Variants in VPS13C observed in about 807,000 individuals in gnomAD.
The protein encoded by VPS13C is vacuolar protein sorting 13 homolog C.
Under a neutral mutation model 456.8 loss-of-function variants are expected in VPS13C, and 358 were observed. The ratio of observed to expected loss-of-function variants is 0.78; its 90% CI spans 0.72 to 0.86. The LOEUF (loss-of-function observed/expected upper bound fraction) is 0.86. Ranked by LOEUF, VPS13C falls within the 40% of genes least tolerant of loss-of-function variation. The pLI is 0.00. For synonymous variants in VPS13C, 1,578 were observed against 1,486.7 expected (o/e 1.06, Z -1.41); for missense variants, 4,818 against 4,385.4 (o/e 1.10, Z -2.79).
Position 61,934,242 on chromosome 15 carries a change from G to T in VPS13C, c.5845C>A (p.Leu1949Ile). 1 of 1,593,766 alleles carries T rather than the reference G, an allele frequency of 6.3e-7. No individual in the cohort carries two copies. Among genetic ancestry groups the T allele is most frequent in the South Asian group, 1.1e-5 (1 of 87,588 alleles). Reference sequence around the variant, plus strand: ...ACCTGGTTGATATCATTGTTATAAAGGATAATGGAAAGAGATTCAAAGTGA... The same window carrying T: ...ACCTGGTTGATATCATTGTTATAAATGATAATGGAAAGAGATTCAAAGTGA... ...DFHFESLSII[L>I]YNNDINQESG... Residue 1949 changes from leucine to isoleucine, a missense_variant, in exon 49 of 85, where the codon CTT becomes ATT. By Grantham distance (5) the Leu-to-Ile change is conservative. Around this residue, in one of 3 missense-constraint regions of VPS13C, gnomAD observed 4,552 missense variants for 4,130.6 expected, o/e 1.10. Coordinates refer to ENST00000644861, the MANE Select transcript of VPS13C (RefSeq NM_020821.3).
At chr15:62,020,238 TTC>T (rs2047412843) in intron 9 of VPS13C, among the ~76,000 whole-genome samples, 1 of 151,922 alleles carries the variant, frequency 6.6e-6, no homozygotes, top group South Asian at 2.1e-4. Context: ...CAGCTTTTAT[TTC>T]TTTCAAATCA....
Position 61,961,792 on chromosome 15 carries a change from C to A in VPS13C, c.3705G>T (p.Arg1235Ser), listed in dbSNP as rs1226566619. 1 of 1,614,026 alleles carries A rather than the reference C, an allele frequency of 6.2e-7. No homozygotes were observed. The highest frequency in any genetic ancestry group is 1.1e-5 in the South Asian group (1 of 91,086). Residue 1235 changes from arginine to serine, a missense_variant, in exon 35 of 85, where the codon AGG (arginine) becomes AGT (serine). Physicochemically the swap from Arg to Ser is moderately radical, Grantham distance 110 (BLOSUM62 -1). Coordinates refer to ENST00000644861, the MANE Select transcript of VPS13C (RefSeq NM_020821.3). Reference protein sequence around the residue: ...AATSVKDLAQRSFRVSINIDL... With the variant: ...AATSVKDLAQSSFRVSINIDL... Reference sequence around the variant, plus strand: ...CAATATTGATGGAAACACGAAAACTCCTCTGGGCAAGATCTTTCACACTTG... The same window carrying A: ...CAATATTGATGGAAACACGAAAACTACTCTGGGCAAGATCTTTCACACTTG...
rs947529675 is a variant in VPS13C, at chr15:61,867,645, C to T, written c.10863+1014G>A. ...GAAATGATAGTAACAGTATCTGCTT[C>T]TGAGCTCAATAAAGGCTTTCATCTA... On this transcript the variant is annotated intron_variant, in intron 81 of 84. Transcript: ENST00000644861. This position sits in a 1 kb window ranked among gnomAD's most constrained non-coding sequence, Gnocchi z 5.0. 2 of 1,193,146 alleles carry T rather than the reference C, an allele frequency of 1.7e-6. No individual in the cohort carries two copies. The highest frequency in any genetic ancestry group is 2.1e-6 in the Non-Finnish European group (2 of 961,170). 73.9% of individuals were successfully genotyped at this position (1,193,146 alleles called of 1,614,324 possible). A position where few individuals can be genotyped will look rare whatever the true frequency, so the allele number is the denominator to read the frequency against.
chr15:62,047,393 G>C (rs1596532066), intron 1 of VPS13C, among the ~76,000 whole-genome samples: 1 of 151,638 alleles, frequency 6.6e-6, no homozygotes, highest in South Asian at 2.1e-4. Context: ...AGCTGAGATT[G>C]TGCCACTGCA....
intron 1 of VPS13C, among the ~76,000 whole-genome samples, 189 bp from the exon 2 acceptor site, chr15:62,044,444 A>T (rs2048342652): frequency 6.6e-6 from 1 of 152,198 alleles, no homozygotes; most frequent in Admixed American, 6.5e-5. Flanking sequence ...ATTGTAGCAT[A>T]CTATAGGTTA....
chr15:61,907,870 C>G (rs1307819980), intron 65 of VPS13C, among the ~76,000 whole-genome samples: 1 of 152,184 alleles, frequency 6.6e-6, no homozygotes, highest in African/African-American at 2.4e-5. Flanking sequence ...TGCTCCTACC[C>G]AAGCCTCTCA....
chr15:61,911,892 G>T lies in VPS13C; in HGVS notation c.8663C>A (p.Ala2888Glu). 1 of 1,612,524 alleles carries T rather than the reference G, an allele frequency of 6.2e-7. No homozygotes were observed. Among genetic ancestry groups the T allele is most frequent in the Non-Finnish European group, 8.5e-7 (1 of 1,179,188 alleles). The change falls in exon 63 of 85, where the codon GCA becomes GAA. Residue 2888 changes from alanine (A) to glutamate (E), a missense_variant. Physicochemically the swap from Ala to Glu is moderately radical, Grantham distance 107. Around this residue, in one of 3 missense-constraint regions of VPS13C, gnomAD observed 4,552 missense variants for 4,130.6 expected, o/e 1.10. Coordinates refer to ENST00000644861, the MANE Select transcript of VPS13C (RefSeq NM_020821.3). ...ATTAGTTGGCATTGAGCCATCAGAT[G>T]CAATCTCGCCAACTTCTAGTTCTAA... Reference protein sequence around the residue: ...SSLELEVGEIASDGSMPTNKW... With the variant: ...SSLELEVGEIESDGSMPTNKW...
At chr15:61,900,062 AC>A (rs1247767860) in intron 66 of VPS13C, among the ~76,000 whole-genome samples, 1 of 152,072 alleles carries the variant, frequency 6.6e-6, no homozygotes, top group African/African-American at 2.4e-5. Context: ...AAATTCAACA[AC>A]CCTTCATGCT....
rs34965045 is a variant in VPS13C, at chr15:61,910,091, C to T, written c.8844+86G>A. On this transcript the variant is annotated intron_variant, in intron 64 of 84. Coordinates refer to ENST00000644861, the MANE Select transcript of VPS13C (RefSeq NM_020821.3). ...TGTATACATATGTAACAAACCTGCA[C>T]GTTCTGCACATGTACCCTAGAACTT... 0.39 allele frequency: 313,130 copies of T among 803,332 alleles called. 63,982 individuals carry two copies. The highest frequency in any genetic ancestry group is 0.41 in the Non-Finnish European group (267,808 of 647,456). The allele number at this position is 803,332 out of a possible 1,614,324, so 49.8% of individuals were successfully genotyped here. A position where few individuals can be genotyped will look rare whatever the true frequency, so the allele number is the denominator to read the frequency against.
chr15:62,031,113 T>C (rs570553005), intron 5 of VPS13C, among the ~76,000 whole-genome samples: 1 of 152,266 alleles, frequency 6.6e-6, no homozygotes, highest in East Asian at 1.9e-4. Context: ...AAGCAAACTT[T>C]CTAAAAATGA....
chr15:61,897,271 A>C (rs1026644589), intron 66 of VPS13C, among the ~76,000 whole-genome samples: 2 of 152,238 alleles, frequency 1.3e-5, no homozygotes, highest in Admixed American at 6.5e-5. Flanking sequence ...TGATGAGCTA[A>C]GAGAAGAAGG....
rs1291508748 is a variant in VPS13C, at chr15:62,010,503, T to C, written c.980A>G (p.Gln327Arg). The change falls in exon 13 of 85, where the codon CAA (glutamine) becomes CGA (arginine). Residue 327 changes from glutamine to arginine, a missense_variant. Transcript: ENST00000644861. ...TPKLDCNIEIQNIAIELTKPQ... is the reference protein window; with the variant it reads ...TPKLDCNIEIRNIAIELTKPQ... ...TTTGGTCAGTTCAATGGCAATATTT[T>C]GTATTTCTATGTTGCAATCCAGTTT... is the stretch of plus-strand genomic sequence containing the variant. 1.2e-6 allele frequency: 2 copies of C among 1,613,318 alleles called. No homozygotes were observed. Among genetic ancestry groups the C allele is most frequent in the African/African-American group, 2.7e-5 (2 of 75,026 alleles).
At chr15:61,905,416 TGTAA>T (rs1300595041) in intron 66 of VPS13C, among the ~76,000 whole-genome samples, 1 of 152,154 alleles carries the variant, frequency 6.6e-6, no homozygotes, top group Non-Finnish European at 1.5e-5. Flanking sequence ...AATCTTATGT[TGTAA>T]TTTAATCTGA....
intron 82 of VPS13C, among the ~76,000 whole-genome samples, chr15:61,863,131 T>C (rs922388952): frequency 3.9e-5 from 6 of 152,080 alleles, no homozygotes; most frequent in Admixed American, 2.0e-4. Context: ...TTGTAATTCA[T>C]GAAAAAGGGT....
chr15:61,904,335 C>G (rs2043092773), intron 66 of VPS13C, among the ~76,000 whole-genome samples: 1 of 150,028 alleles, frequency 6.7e-6, no homozygotes, highest in South Asian at 2.1e-4. Flanking sequence ...TAAAAACGGG[C>G]AAAAGATCTG....
At chr15:61,993,871 G>A (rs1168799703) in intron 16 of VPS13C, among the ~76,000 whole-genome samples, 1 of 152,052 alleles carries the variant, frequency 6.6e-6, no homozygotes, top group African/African-American at 2.4e-5. Context: ...TTATGTAGAT[G>A]TAAGCACTGG....
At chr15:61,890,729 C>G (rs2042623686) in intron 66 of VPS13C, among the ~76,000 whole-genome samples, 1 of 152,118 alleles carries the variant, frequency 6.6e-6, no homozygotes, top group South Asian at 2.1e-4. Context: ...AGCCGGAAAA[C>G]AGAATGGTTC....
intron 18 of VPS13C, among the ~76,000 whole-genome samples, 171 bp from the exon 19 acceptor site, chr15:61,985,170 A>T (rs1030060436): frequency 1.3e-5 from 2 of 152,230 alleles, no homozygotes; most frequent in Non-Finnish European, 2.9e-5. Context: ...TTACAAATTT[A>T]TTCACTATAA....
chr15:61,909,812 T>A (rs1823066574), intron 64 of VPS13C, among the ~76,000 whole-genome samples: 1 of 152,164 alleles, frequency 6.6e-6, no homozygotes, highest in Admixed American at 6.5e-5. Flanking sequence ...TTGAGTTGGT[T>A]CCAAGTCTTT....
Sources: allele counts gnomAD v4.1 joint callset (sites outside exome capture counted in the v4.1 genomes callset), GRCh38; gene constraint gnomAD v4.1.1; regional missense constraint gnomAD v4.1.1; non-coding constraint Gnocchi (gnomAD v3.1); transcripts MANE v1.5; gene names NCBI Gene and HGNC (gene_info 2026-07-23, HGNC 2026-07-21).